The following EHBP1 variants were observed in gnomAD, a reference collection of about 807,000 sequenced individuals.
EHBP1 encodes EH domain binding protein 1.
Under a neutral mutation model 144.0 loss-of-function variants are expected in EHBP1, and 55 were observed. The ratio of observed to expected loss-of-function variants is 0.38; its 90% CI spans 0.31 to 0.48. The LOEUF (loss-of-function observed/expected upper bound fraction) is 0.48, where lower values mean the gene tolerates loss of function less well. Ranked by LOEUF, EHBP1 falls within the 20% of genes least tolerant of loss-of-function variation. The pLI is 0.98. For missense variants in EHBP1, 1,200 were observed against 1,364.2 expected, an observed-to-expected ratio of 0.88 and a Z score of 1.90; for synonymous variants, 469 against 472.7, an observed-to-expected ratio of 0.99 and a Z score of 0.10.
At chr2:63,042,683 G>C (rs1214797437) in intron 21 of EHBP1, among the ~76,000 whole-genome samples, 1 of 151,676 alleles carries the variant, frequency 6.6e-6, no homozygotes, top group Non-Finnish European at 1.5e-5. Context: ...ATACTTCAAA[G>C]GTTAAAATTT....
At chr2:62,977,604 A>G (rs1009855198) in intron 14 of EHBP1, among the ~76,000 whole-genome samples, 1 of 152,026 alleles carries the variant, frequency 6.6e-6, no homozygotes, top group Non-Finnish European at 1.5e-5. Flanking sequence ...CTTTCTCTAT[A>G]TAAGTTTTTT....
chr2:62,762,217 C>A (rs2040825137), intron 3 of EHBP1, among the ~76,000 whole-genome samples: 1 of 152,196 alleles, frequency 6.6e-6, no homozygotes, highest in African/African-American at 2.4e-5. Context: ...ACACTCTTAC[C>A]ACTAGACTTT....
rs1391065347 is a variant in EHBP1, at chr2:62,859,196, A to G, written c.662A>G (p.Asp221Gly). 6.2e-7 allele frequency: 1 copy of G among 1,612,104 alleles called. No individual in the cohort carries two copies. Among genetic ancestry groups the G allele is most frequent in the Non-Finnish European group, 8.5e-7 (1 of 1,178,742 alleles). The change falls in exon 8 of 23, where the codon GAT (aspartate) becomes GGT (glycine). Residue 221 changes from aspartate (D) to glycine (G), a missense_variant. This residue lies in a region of EHBP1 where 266 missense variants were observed against 262.4 expected (regional missense o/e 1.01). Coordinates refer to ENST00000431489, the MANE Select transcript of EHBP1 (RefSeq NM_001142616.3). ...CTTATCAACAAACTTAACTTTTTGG[A>G]TGAAGCAGAAAAGGACTTGGCCACC... ...TELINKLNFL[D>G]EAEKDLATVN...
Position 62,753,090 on chromosome 2 carries a change from C to T in EHBP1, c.162+5638C>T, listed in dbSNP as rs1319716611. Among the ~76,000 whole-genome samples, 3 of 152,112 alleles carry T rather than the reference C, an allele frequency of 2.0e-5. No individual in the cohort carries two copies. The East Asian group carries it at 5.8e-4, about 29-fold the overall frequency. ...GCTCGTTAGTTGATGCAGTTTCTTCCTAGCATCGATGGTCTTTACAATTTG... is the reference window on the plus strand; with the variant it reads ...GCTCGTTAGTTGATGCAGTTTCTTCTTAGCATCGATGGTCTTTACAATTTG... On this transcript the variant is annotated intron_variant, in intron 3 of 22. Transcript: ENST00000431489.
intron 7 of EHBP1, among the ~76,000 whole-genome samples, chr2:62,843,611 T>C (rs2048080041): frequency 6.6e-6 from 1 of 152,200 alleles, no homozygotes; most frequent in Admixed American, 6.5e-5. Context: ...GCACAGCATA[T>C]TATGGCAGTT....
At chr2:62,769,913 G>A (rs1257275263) in intron 4 of EHBP1, among the ~76,000 whole-genome samples, 3 of 151,534 alleles carry the variant, frequency 2.0e-5, no homozygotes, top group East Asian at 1.9e-4. Context: ...CAAAAAAAGC[G>A]ATGAGGAAGA....
intron 10 of EHBP1, among the ~76,000 whole-genome samples, chr2:62,917,288 G>A (rs1487135256): frequency 6.6e-6 from 1 of 152,040 alleles, no homozygotes; most frequent in African/African-American, 2.4e-5. Flanking sequence ...GTGAGACCCT[G>A]TCTCAAAAAT....
intron 19 of EHBP1, among the ~76,000 whole-genome samples, chr2:63,019,151 T>C (rs2060597938): frequency 6.6e-6 from 1 of 152,140 alleles, no homozygotes; most frequent in Non-Finnish European, 1.5e-5. Context: ...AAACATAGAT[T>C]CCCAAGCCTT....
chr2:62,712,896 T>G (rs2035291959), intron 2 of EHBP1, among the ~76,000 whole-genome samples: 1 of 152,210 alleles, frequency 6.6e-6, no homozygotes, highest in African/African-American at 2.4e-5. Flanking sequence ...AATGAGCACA[T>G]ATCCCAATAT....
Position 63,037,623 on chromosome 2 carries a change from G to A in EHBP1, c.3192G>A (p.Gln1064=). 1 of 1,589,598 alleles carries A rather than the reference G, an allele frequency of 6.3e-7. No homozygotes were observed. Among genetic ancestry groups the A allele is most frequent in the Non-Finnish European group, 8.6e-7 (1 of 1,162,844 alleles). Residue 1064 remains glutamine, a synonymous_variant, in exon 20 of 23, where the codon CAG becomes CAA. Transcript: ENST00000431489. Reference sequence around the variant, plus strand: ...ATGCCTTAATAAGGAGAATGAATCAGCTCTCTCTTCTGTAAGTACTCATCA... The same window carrying A: ...ATGCCTTAATAAGGAGAATGAATCAACTCTCTCTTCTGTAAGTACTCATCA... ...KKNALIRRMN[Q]LSLLEKEHDL...
At chr2:62,875,027 C>T (rs2050773837) in intron 10 of EHBP1, among the ~76,000 whole-genome samples, 1 of 152,126 alleles carries the variant, frequency 6.6e-6, no homozygotes, top group African/African-American at 2.4e-5. Flanking sequence ...GCCACCCCGC[C>T]ATTGCTGGTG....
chr2:62,701,678 A>G (rs1267661686), upstream of EHBP1, among the ~76,000 whole-genome samples: 1 of 152,224 alleles, frequency 6.6e-6, no homozygotes, highest in African/African-American at 2.4e-5. Context: ...TAACACTTGG[A>G]AAAACAACTA....
In EHBP1 at chr2:62,948,756, G is replaced by T; in HGVS notation, c.1910G>T (p.Cys637Phe). ...TCAGGATCTGATGACCCTGGAATAT[G>T]TTCCAATACAGATTCAACCCAAGCA... is the stretch of plus-strand genomic sequence containing the variant. ...RTSGSDDPGI[C>F]SNTDSTQAQV... Residue 637 changes from cysteine (C) to phenylalanine (F), a missense_variant, in exon 13 of 23, where the codon TGT becomes TTT. Coordinates refer to ENST00000431489, the MANE Select transcript of EHBP1 (RefSeq NM_001142616.3). 1 of 1,614,118 alleles carries T rather than the reference G, an allele frequency of 6.2e-7. No homozygotes were observed. Among genetic ancestry groups the T allele is most frequent in the Middle Eastern group, 1.6e-4 (1 of 6,062 alleles).
intron 1 of EHBP1, among the ~76,000 whole-genome samples, chr2:62,681,340 G>GTGTGTA (rs1171760462): frequency 5.1e-5 from 3 of 58,554 alleles, no homozygotes; most frequent in African/African-American, 2.6e-4. Context: ...ATGTGTGTGT[G>GTGTGTA]TATATATATA....
intron 2 of EHBP1, among the ~76,000 whole-genome samples, chr2:62,743,651 T>C (rs1181409756): frequency 6.6e-6 from 1 of 152,050 alleles, no homozygotes; most frequent in Non-Finnish European, 1.5e-5. Flanking sequence ...ACCTCACACA[T>C]GTGTCATAAT....
intron 7 of EHBP1, among the ~76,000 whole-genome samples, chr2:62,856,038 C>T (rs574557136): frequency 6.6e-6 from 1 of 152,302 alleles, no homozygotes; most frequent in East Asian, 1.9e-4. Context: ...AAAGGAGCTA[C>T]CCACTGCGAG....
At chr2:62,827,152 C>T (rs1478271971) in intron 6 of EHBP1, among the ~76,000 whole-genome samples, 1 of 152,154 alleles carries the variant, frequency 6.6e-6, no homozygotes, top group African/African-American at 2.4e-5. Flanking sequence ...AGACTGGATT[C>T]TGTGCGTCAG....
At chr2:62,814,824 G>A (rs1001015591) in intron 5 of EHBP1, among the ~76,000 whole-genome samples, 7 of 152,182 alleles carry the variant, frequency 4.6e-5, no homozygotes, top group Non-Finnish European at 7.3e-5. Context: ...AGGTCAAAGT[G>A]AGACAGGTGA....
intron 5 of EHBP1, among the ~76,000 whole-genome samples, chr2:62,786,363 A>G (rs776985826): frequency 6.6e-5 from 10 of 152,060 alleles, no homozygotes; most frequent in Non-Finnish European, 1.0e-4. Context: ...TAGCTCTCCC[A>G]GTGTAAGTTG....
Sources: allele counts gnomAD v4.1 joint callset (sites outside exome capture counted in the v4.1 genomes callset), GRCh38; gene constraint gnomAD v4.1.1; regional missense constraint gnomAD v4.1.1; transcripts MANE v1.5; gene names NCBI Gene and HGNC (gene_info 2026-07-23, HGNC 2026-07-21).